JAZF1: variants seen among roughly 807,000 people sequenced by gnomAD.
The protein encoded by JAZF1 is JAZF zinc finger 1, also known as juxtaposed with another zinc finger protein 1.
Under a neutral mutation model 26.4 loss-of-function variants are expected in JAZF1, and 8 were observed. The observed-to-expected ratio is 0.30, with a 90% CI of 0.18 to 0.55. JAZF1 has a LOEUF of 0.55. Among genes scored for constraint, JAZF1 ranks in the 20% least tolerant of loss-of-function variants. The pLI is 0.94. For synonymous variants in JAZF1, 126 were observed against 122.3 expected, an observed-to-expected ratio of 1.03 and a Z score of -0.20; for missense variants, 199 against 322.0, an observed-to-expected ratio of 0.62 and a Z score of 2.92.
At chr7:27,954,750 C>T (rs1197159440) in intron 2 of JAZF1, among the ~76,000 whole-genome samples, 1 of 139,574 alleles carries the variant, frequency 7.2e-6, no homozygotes, top group Non-Finnish European at 1.7e-5. Flanking sequence ...TTCCAGACTG[C>T]GAACAGGACT....
chr7:27,961,879 A>T (rs929379486), intron 2 of JAZF1, among the ~76,000 whole-genome samples: 8 of 152,202 alleles, frequency 5.3e-5, no homozygotes, highest in African/African-American at 1.9e-4. Context: ...CATCATGGGT[A>T]TCAAAGGTTT....
intron 2 of JAZF1, among the ~76,000 whole-genome samples, chr7:27,931,644 C>T (rs552704824): frequency 1.5e-4 from 23 of 152,072 alleles, no homozygotes; most frequent in Non-Finnish European, 3.2e-4. Flanking sequence ...GGTGAAACCC[C>T]GTCTCTACTA....
At chr7:28,102,734 T>C (rs536494876) in intron 1 of JAZF1, among the ~76,000 whole-genome samples, 1 of 152,330 alleles carries the variant, frequency 6.6e-6, no homozygotes, top group East Asian at 1.9e-4. Context: ...TTTTCTAATT[T>C]TTCTATAGTG....
At chr7:27,842,215 G>A (rs1229167905) in intron 3 of JAZF1, 1 of 152,196 alleles carries the variant, frequency 6.6e-6, no homozygotes. Flanking sequence ...GGCACACTCT[G>A]TGCATTATCT....
intron 1 of JAZF1, among the ~76,000 whole-genome samples, chr7:27,993,946 C>T (rs943995641): frequency 1.3e-5 from 2 of 152,146 alleles, no homozygotes; most frequent in African/African-American, 2.4e-5. Context: ...TAATCATTTG[C>T]TTGTCTTCAT....
chr7:27,899,454 G>A (rs1784128456), intron 2 of JAZF1, among the ~76,000 whole-genome samples: 1 of 151,896 alleles, frequency 6.6e-6, no homozygotes, highest in South Asian at 2.1e-4. Context: ...ATATTTTTTT[G>A]GAGACAGGGT....
At position 27,926,171 on chromosome 7, in the gene JAZF1, A is replaced by T. The variant is rs532986478; in HGVS notation, c.189-30755T>A. Among the ~76,000 whole-genome samples, 11 of 152,282 alleles carry T rather than the reference A, an allele frequency of 7.2e-5. No homozygotes were observed. In the South Asian group the frequency reaches 1.7e-3, roughly 23 times the overall value. On this transcript the variant is annotated intron_variant, in intron 2 of 4. Transcript: ENST00000283928. ...ATGATGAGTTAGAAACTCCTTTGTA[A>T]CCATCTTCCTGGACACAGTACTTGG...
intron 1 of JAZF1, among the ~76,000 whole-genome samples, chr7:28,026,052 T>C (rs562238988): frequency 3.9e-5 from 6 of 152,304 alleles, no homozygotes; most frequent in Admixed American, 2.0e-4. Flanking sequence ...GGTCTGGCCA[T>C]GGCAAACCAA....
chr7:27,968,907 C>G (rs906874456), intron 2 of JAZF1, among the ~76,000 whole-genome samples: 1 of 151,970 alleles, frequency 6.6e-6, no homozygotes, highest in Non-Finnish European at 1.5e-5. Context: ...AATGAATTTA[C>G]CCCAATAATA....
chr7:28,157,192 C>T (rs1783198945), intron 1 of JAZF1, among the ~76,000 whole-genome samples: 2 of 152,336 alleles, frequency 1.3e-5, no homozygotes, highest in African/African-American at 4.8e-5. Context: ...CTCAGCACCC[C>T]CACAGCTAGG....
At chr7:28,155,098 G>GTT (rs1783162195) in intron 1 of JAZF1, among the ~76,000 whole-genome samples, 2 of 152,088 alleles carry the variant, frequency 1.3e-5, no homozygotes, top group Non-Finnish European at 2.9e-5. Flanking sequence ...AATCACATCA[G>GTT]TCACTAATGA....
At position 28,174,821 on chromosome 7, in the gene JAZF1, G is replaced by GTGTGTGTGT. The variant is rs1783524345; in HGVS notation, c.115+5641_115+5642insACACACACA. 5.2e-4 allele frequency among the ~76,000 whole-genome samples: 56 copies of GTGTGTGTGT among 107,798 alleles called. 10 individuals are homozygous for GTGTGTGTGT. Among genetic ancestry groups the GTGTGTGTGT allele is most frequent in the African/African-American group, 7.2e-4 (26 of 35,868 alleles). 70.7% of individuals were successfully genotyped at this position (107,798 alleles called of 152,430 possible). ...CCTGATCCTGCCTATGGGGTGTGTG[G>GTGTGTGTGT]GTGTGTGTGTGTGTGTGTGTGTGTG... On this transcript the variant is annotated intron_variant, in intron 1 of 4. Coordinates refer to ENST00000283928, the MANE Select transcript of JAZF1 (RefSeq NM_175061.4).
intron 2 of JAZF1, among the ~76,000 whole-genome samples, chr7:27,953,398 CT>C (rs745804410): frequency 4.6e-5 from 7 of 152,224 alleles, no homozygotes; most frequent in African/African-American, 7.2e-5. Context: ...GATTTACAAA[CT>C]TAATGCTGAA....
chr7:27,913,619 C>T (rs1321563556), intron 2 of JAZF1, among the ~76,000 whole-genome samples: 3 of 152,178 alleles, frequency 2.0e-5, no homozygotes, highest in African/African-American at 7.2e-5. Flanking sequence ...CTCTTACCCT[C>T]TATTCCTTGA....
chr7:27,906,470 G>A (rs1784260775), intron 2 of JAZF1, among the ~76,000 whole-genome samples: 1 of 152,172 alleles, frequency 6.6e-6, no homozygotes, highest in South Asian at 2.1e-4. Context: ...TGAATACTAT[G>A]TCTTTGTATG....
At position 27,832,226 on chromosome 7, in the gene JAZF1, G is replaced by A. The variant is rs140006286; in HGVS notation, c.*574C>T. 1,952 of 209,444 alleles carry A rather than the reference G, an allele frequency of 9.3e-3. 16 individuals are homozygous for A. The highest frequency in any genetic ancestry group is 0.014 in the Non-Finnish European group (1,391 of 102,836). 13.0% of individuals were successfully genotyped at this position (209,444 alleles called of 1,614,324 possible). ...TAAAACACAGAAAGCACACCTTTAC[G>A]TATGTTATTTAAATATGAAAATATT... On this transcript the variant is annotated 3_prime_UTR_variant, in exon 5 of 5. Transcript: ENST00000283928.
At chr7:28,139,642 C>T (rs1255937063) in intron 1 of JAZF1, among the ~76,000 whole-genome samples, 2 of 152,148 alleles carry the variant, frequency 1.3e-5, no homozygotes, top group Non-Finnish European at 2.9e-5. Context: ...TTCTAGTCCC[C>T]AGAAGTGGGA....
chr7:27,907,509 A>AT (rs1384832570), intron 2 of JAZF1, among the ~76,000 whole-genome samples: 1 of 152,216 alleles, frequency 6.6e-6, no homozygotes, highest in African/African-American at 2.4e-5. Context: ...GGGATTGGAC[A>AT]TCTCCATTTC....
intron 1 of JAZF1, among the ~76,000 whole-genome samples, chr7:28,031,171 T>C (rs747997236): frequency 6.6e-6 from 1 of 152,092 alleles, no homozygotes; most frequent in Non-Finnish European, 1.5e-5. Context: ...TCTCTATCGA[T>C]GGCACCTTCA....
Sources: gnomAD v4.1 joint callset for allele counts (sites outside exome capture counted in the v4.1 genomes callset) on GRCh38, gnomAD v4.1.1 for gene constraint, MANE v1.5 for transcripts, NCBI Gene and HGNC (gene_info 2026-07-23, HGNC 2026-07-21) for gene names.